The following FRMD4B variants were observed in gnomAD, a reference collection of about 807,000 sequenced individuals.
The protein encoded by FRMD4B is FERM domain containing 4B, also known as FERM domain-containing protein 4B.
A neutral mutation model predicts 141.5 loss-of-function variants in FRMD4B; 74 were observed. The ratio of observed to expected loss-of-function variants is 0.52; its 90% CI spans 0.43 to 0.63. The LOEUF is 0.63. Among genes scored for constraint, FRMD4B ranks in the 30% least tolerant of loss-of-function variants. The pLI, the probability that FRMD4B is intolerant of heterozygous loss-of-function variation, is 0.00. For synonymous variants in FRMD4B, 506 were observed against 467.9 expected (o/e 1.08, Z -1.05); for missense variants, 1,366 against 1,253.4 (o/e 1.09, Z -1.36).
chr3:69,247,785 A>G (rs2093434663), intron 7 of FRMD4B, among the ~76,000 whole-genome samples: 1 of 152,180 alleles, frequency 6.6e-6, no homozygotes, highest in South Asian at 2.1e-4. Context: ...AGTAGCTGGG[A>G]CTACAGGCAC....
chr3:69,231,530 T>G (rs1012878705), intron 7 of FRMD4B, among the ~76,000 whole-genome samples: 6 of 152,226 alleles, frequency 3.9e-5, no homozygotes. Context: ...TCAGGTGATC[T>G]GCCCGCCTCC....
chr3:69,528,649 AGCCACC>A (rs898654125), intron 1 of FRMD4B, among the ~76,000 whole-genome samples: 1 of 152,158 alleles, frequency 6.6e-6, no homozygotes, highest in African/African-American at 2.4e-5. Context: ...TGCAGGCGTG[AGCCACC>A]GCACCCAGCC....
intron 16 of FRMD4B, 101 bp from the exon 17 acceptor site, chr3:69,193,974 G>A: frequency 7.0e-6 from 5 of 711,824 alleles, no homozygotes; most frequent in South Asian, 3.8e-5. Context: ...TGAATCAGAC[G>A]TTCTTTGAGA....
At position 69,309,562 on chromosome 3, in the gene FRMD4B, C is replaced by T. The variant is rs550377734; in HGVS notation, c.323+1701G>A. ...GGCTCAAGTTGTCCTCCCACCTCAGCCTCCCGAGTAGCTGGGACTACAGAT... is the reference window on the plus strand; with the variant it reads ...GGCTCAAGTTGTCCTCCCACCTCAGTCTCCCGAGTAGCTGGGACTACAGAT... On this transcript the variant is annotated intron_variant, in intron 3 of 22. Transcript: ENST00000398540. Among the ~76,000 whole-genome samples the T allele has an allele frequency of 4.3e-4, 66 of 151,814 alleles. 1 individual carries two copies. Among genetic ancestry groups the T allele is most frequent in the Middle Eastern group, 6.8e-3 (2 of 292 alleles).
At chr3:69,191,739 C>T (rs1207938745) in intron 17 of FRMD4B, among the ~76,000 whole-genome samples, 2 of 152,164 alleles carry the variant, frequency 1.3e-5, no homozygotes, top group Non-Finnish European at 2.9e-5. Flanking sequence ...GAATTTTGCA[C>T]AGTTTGAGGA....
intron 1 of FRMD4B, among the ~76,000 whole-genome samples, chr3:69,439,050 CGTGTGTGTGTATGTGT>C (rs1705303451): frequency 1.4e-5 from 1 of 72,274 alleles, no homozygotes; most frequent in Non-Finnish European, 2.5e-5. Context: ...AGTTCGTGTG[CGTGTGTGTGTATGTGT>C]GTGTGTGTGT....
chr3:69,448,431 A>C (rs1705443601), intron 1 of FRMD4B, among the ~76,000 whole-genome samples: 2 of 152,234 alleles, frequency 1.3e-5, no homozygotes. Context: ...TAATTTTATA[A>C]AAAACTGAGA....
intron 13 of FRMD4B, 139 bp from the exon 14 acceptor site, chr3:69,196,535 C>A: frequency 2.5e-6 from 1 of 398,410 alleles, no homozygotes; most frequent in Admixed American, 7.6e-5. Flanking sequence ...ATTCTTCAGA[C>A]CAAAAAACAA....
intron 1 of FRMD4B, among the ~76,000 whole-genome samples, chr3:69,527,193 T>C (rs1700942192): frequency 6.6e-6 from 1 of 151,960 alleles, no homozygotes; most frequent in Admixed American, 6.6e-5. Flanking sequence ...AAATACAACA[T>C]CACTAAAAAT....
rs1313275231 is a variant in FRMD4B at position 69,526,030 on chromosome 3, C to T, written c.-129+16176G>A. The stretch of plus-strand genomic sequence containing the variant: ...TCCCACTCCTTTGTCCTTACCATTT[C>T]AGAGCACAGTGGCTTGCTTCCAACT... On this transcript the variant is annotated intron_variant, in intron 1 of 5. Transcript: ENST00000459638. Among the ~76,000 whole-genome samples, 3 of 152,176 alleles carry T rather than the reference C, an allele frequency of 2.0e-5. No individual in the cohort carries two copies. The East Asian group carries it at 5.8e-4, about 29-fold the overall frequency.
At chr3:69,270,965 C>T (rs1246942423) in intron 5 of FRMD4B, among the ~76,000 whole-genome samples, 2 of 152,306 alleles carry the variant, frequency 1.3e-5, no homozygotes, top group East Asian at 3.9e-4. Context: ...CACTGGTGCT[C>T]AAATTCCTAG....
chr3:69,536,122 G>A, intron 1 of FRMD4B: 1 of 486,650 alleles, frequency 2.1e-6, no homozygotes, highest in Admixed American at 3.4e-5. Flanking sequence ...CCTTCTCTGT[G>A]GCTGCACCTG....
At chr3:69,482,713 C>T (rs6549225) in intron 1 of FRMD4B, among the ~76,000 whole-genome samples, 69,524 of 152,024 alleles carry the variant, frequency 0.46, 16,236 homozygotes, top group East Asian at 0.61. Flanking sequence ...GCAGGAAGTA[C>T]ATCTTTCGTC....
chr3:69,520,348 A>AATATATATATGATGAAT (rs1700836696), intron 1 of FRMD4B, among the ~76,000 whole-genome samples: 1 of 78,690 alleles, frequency 1.3e-5, no homozygotes, highest in African/African-American at 6.8e-5. Context: ...TATATGATGG[A>AATATATATATGATGAAT]ATATATATAT....
At chr3:69,385,710 G>A (rs1704234156) in intron 1 of FRMD4B, 118 bp downstream of exon 1, 10 of 850,890 alleles carry the variant, frequency 1.2e-5, no homozygotes, top group Admixed American at 3.5e-5. Context: ...CAAGGGCCAA[G>A]CAGTCTGCTA....
intron 1 of FRMD4B, among the ~76,000 whole-genome samples, chr3:69,455,934 C>T (rs1171259171): frequency 6.6e-6 from 1 of 152,140 alleles, no homozygotes; most frequent in Non-Finnish European, 1.5e-5. Flanking sequence ...TTCTCAGTTC[C>T]ATTTTGTTCT....
intron 4 of FRMD4B, among the ~76,000 whole-genome samples, chr3:69,299,968 C>T (rs1701160578): frequency 1.3e-5 from 2 of 152,280 alleles, no homozygotes; most frequent in East Asian, 3.9e-4. Flanking sequence ...AACATCAAGA[C>T]AGAACCAAAT....
At chr3:69,490,686 G>C (rs753529562) in intron 1 of FRMD4B, among the ~76,000 whole-genome samples, 3 of 152,058 alleles carry the variant, frequency 2.0e-5, no homozygotes, top group Non-Finnish European at 4.4e-5. Context: ...ATTCCCATTT[G>C]TATTTGTTTG....
At chr3:69,396,887 G>A (rs180685502) in intron 2 of FRMD4B, among the ~76,000 whole-genome samples, 6 of 152,246 alleles carry the variant, frequency 3.9e-5, no homozygotes, top group Non-Finnish European at 5.9e-5. Context: ...AAATGTTCAC[G>A]GTAGCATTAT....
Sources: gnomAD v4.1 joint callset for allele counts (sites outside exome capture counted in the v4.1 genomes callset) on GRCh38, gnomAD v4.1.1 for gene constraint, MANE v1.5 for transcripts, NCBI Gene and HGNC (gene_info 2026-07-23, HGNC 2026-07-21) for gene names.